GABRA3: variants seen among roughly 807,000 people sequenced by gnomAD.
GABRA3 encodes gamma-aminobutyric acid type A receptor subunit alpha3, also known as gamma-aminobutyric acid receptor subunit alpha-3.
In GABRA3, 10 loss-of-function variants were observed where a neutral mutation model predicts 30.1. The observed-to-expected ratio is 0.33, with a 90% confidence interval of 0.20 to 0.56. GABRA3 has a LOEUF of 0.56. Among genes scored for constraint, GABRA3 ranks in the 20% least tolerant of loss-of-function variants. The pLI, the probability that GABRA3 is intolerant of heterozygous loss-of-function variation, is 0.89. For synonymous variants in GABRA3, 151 were observed against 146.8 expected, an observed-to-expected ratio of 1.03 and a Z score of -0.21; for missense variants, 233 against 392.0, an observed-to-expected ratio of 0.59 and a Z score of 3.42.
chrX:152,219,440 A>G (rs1937790164), intron 6 of GABRA3, among the ~76,000 whole-genome samples: 1 of 111,612 alleles, frequency 9.0e-6, no homozygotes, highest in Non-Finnish European at 1.9e-5. Context: ...TTTTCTGAAT[A>G]TCAAATCCAG....
chrX:152,425,964 G>A (rs773448670), intron 1 of GABRA3, among the ~76,000 whole-genome samples: 9 of 110,804 alleles, frequency 8.1e-5, no homozygotes, highest in South Asian at 3.9e-4. Flanking sequence ...TGCTTTCCAC[G>A]AACACAGAAC....
At chrX:152,387,573 T>G (rs1315527608) in intron 1 of GABRA3, among the ~76,000 whole-genome samples, 1 of 111,497 alleles carries the variant, frequency 9.0e-6, no homozygotes, top group Non-Finnish European at 1.9e-5. Flanking sequence ...TGTGTGATAA[T>G]TATATTTACA....
intron 3 of GABRA3, among the ~76,000 whole-genome samples, chrX:152,317,686 C>A (rs764800993): frequency 8.9e-6 from 1 of 111,893 alleles, no homozygotes; most frequent in Admixed American, 9.5e-5. Context: ...CATGCTAATA[C>A]ATGGAAATTG....
intron 4 of GABRA3, among the ~76,000 whole-genome samples, chrX:152,272,014 G>C (rs892718504): frequency 7.1e-5 from 8 of 111,991 alleles, no homozygotes; most frequent in Non-Finnish European, 1.5e-4. Context: ...TGCAGGGGTA[G>C]AGCCCTCATG....
At chrX:152,198,678 C>G (rs1228592917) in intron 7 of GABRA3, among the ~76,000 whole-genome samples, 1 of 111,945 alleles carries the variant, frequency 8.9e-6, no homozygotes, top group Non-Finnish European at 1.9e-5. Flanking sequence ...CCTAAGTCTC[C>G]TTTCCTGTTC....
chrX:152,289,806 G>C (rs960122629), intron 3 of GABRA3, among the ~76,000 whole-genome samples: 1 of 110,941 alleles, frequency 9.0e-6, no homozygotes, highest in Non-Finnish European at 1.9e-5. Context: ...TCAGAATGAC[G>C]GTTTCCAGCT....
At chrX:152,277,216 A>G (rs1357633143) in intron 4 of GABRA3, among the ~76,000 whole-genome samples, 2 of 110,578 alleles carry the variant, frequency 1.8e-5, no homozygotes, top group Non-Finnish European at 3.8e-5. Context: ...TTTCAAGTCT[A>G]TTGCCACCAG....
At chrX:152,389,018 T>A (rs1315921174) in intron 1 of GABRA3, among the ~76,000 whole-genome samples, 1 of 111,996 alleles carries the variant, frequency 8.9e-6, no homozygotes, top group Non-Finnish European at 1.9e-5. Flanking sequence ...TAGTAGACAA[T>A]CATAGTTCAG....
chrX:152,304,161 T>A (rs1427306926), intron 3 of GABRA3, among the ~76,000 whole-genome samples: 2 of 111,825 alleles, frequency 1.8e-5, no homozygotes, highest in Non-Finnish European at 3.8e-5. Flanking sequence ...GTTTTTTGCT[T>A]CTTGATTTAT....
At chrX:152,264,764 T>C (rs1417988137) in intron 4 of GABRA3, among the ~76,000 whole-genome samples, 1 of 111,145 alleles carries the variant, frequency 9.0e-6, no homozygotes, top group Non-Finnish European at 1.9e-5. Context: ...ACCTCACCTT[T>C]AAAGACACAT....
chrX:152,344,931 G>C (rs1940368690), intron 3 of GABRA3, among the ~76,000 whole-genome samples: 1 of 111,728 alleles, frequency 9.0e-6, no homozygotes, highest in Non-Finnish European at 1.9e-5. Flanking sequence ...AAGAGCATTA[G>C]ATTACATTTT....
chrX:152,244,016 G>C (rs770976674), intron 5 of GABRA3, among the ~76,000 whole-genome samples: 1 of 112,010 alleles, frequency 8.9e-6, no homozygotes, highest in Non-Finnish European at 1.9e-5. Flanking sequence ...AAACATATCA[G>C]AGATTATTCT....
chrX:152,356,444 C>A (rs1255412841), intron 2 of GABRA3, among the ~76,000 whole-genome samples: 2 of 111,280 alleles, frequency 1.8e-5, no homozygotes, highest in African/African-American at 6.5e-5. Context: ...CGGAAATAAT[C>A]AAAAAGCAGC....
chrX:152,402,879 A>G (rs748380703), intron 1 of GABRA3, among the ~76,000 whole-genome samples: 1 of 112,119 alleles, frequency 8.9e-6, no homozygotes, highest in South Asian at 3.7e-4. Context: ...CACTTTATGC[A>G]CTGTATTGTT....
At chrX:152,202,352 T>C (rs1011697644) in intron 7 of GABRA3, among the ~76,000 whole-genome samples, 2 of 111,876 alleles carry the variant, frequency 1.8e-5, no homozygotes, top group African/African-American at 6.5e-5. Context: ...AAGGTAATAA[T>C]GTTTATATGG....
intron 3 of GABRA3, among the ~76,000 whole-genome samples, chrX:152,305,631 ATAAT>A (rs1939709042): frequency 8.9e-6 from 1 of 111,866 alleles, no homozygotes; most frequent in Non-Finnish European, 1.9e-5. Flanking sequence ...AAAAGAAAGA[ATAAT>A]TAAGGAATTT....
chrX:152,403,572 G>A (rs1929850793), intron 1 of GABRA3, among the ~76,000 whole-genome samples: 2 of 40,549 alleles, frequency 4.9e-5, no homozygotes, highest in South Asian at 9.9e-4. Context: ...GTGCACACGT[G>A]TGTGTGTGTG....
chrX:152,379,637 T>C (rs1335370974), intron 1 of GABRA3, among the ~76,000 whole-genome samples: 1 of 111,708 alleles, frequency 9.0e-6, no homozygotes, highest in Admixed American at 9.5e-5. Context: ...AATAGATATT[T>C]ACTATCATCT....
At chrX:152,352,554 G>C (rs1481843530) in intron 2 of GABRA3, among the ~76,000 whole-genome samples, 1 of 111,286 alleles carries the variant, frequency 9.0e-6, no homozygotes, top group African/African-American at 3.3e-5. Flanking sequence ...TATGTTAAGG[G>C]AAAGCAGGAG....
Sources: gnomAD v4.1 joint callset for allele counts (sites outside exome capture counted in the v4.1 genomes callset) on GRCh38, gnomAD v4.1.1 for gene constraint, MANE v1.5 for transcripts, NCBI Gene and HGNC (gene_info 2026-07-23, HGNC 2026-07-21) for gene names.